Variants in KLHL20 observed in about 807,000 individuals in gnomAD.
KLHL20 encodes kelch-like protein 20.
In KLHL20, 29 loss-of-function variants were observed where a neutral mutation model predicts 69.5. The observed-to-expected ratio is 0.42, with a 90% CI of 0.31 to 0.57. The LOEUF (loss-of-function observed/expected upper bound fraction) is 0.57, where lower values mean the gene tolerates loss of function less well. Among genes scored for constraint, KLHL20 ranks in the 20% least tolerant of loss-of-function variants. The pLI is 0.18. For synonymous variants in KLHL20, 253 were observed against 265.2 expected (o/e 0.95, Z 0.45); for missense variants, 419 against 776.0 (o/e 0.54, Z 5.47).
chr1:173,730,483 CA>C (rs1672213946), intron 2 of KLHL20, among the ~76,000 whole-genome samples: 1 of 152,068 alleles, frequency 6.6e-6, no homozygotes, highest in African/African-American at 2.4e-5. Context: ...TACAAGGCTA[CA>C]GTAACCAAAA....
chr1:173,732,146 G>A (rs1055402668), intron 2 of KLHL20, among the ~76,000 whole-genome samples: 7 of 151,692 alleles, frequency 4.6e-5, no homozygotes, highest in African/African-American at 7.3e-5. Flanking sequence ...GCAGTGAGCC[G>A]AGATTGCGCC....
rs180728985 is a variant in KLHL20, at chr1:173,781,830, C to T, written c.1639-294C>T. 1.4e-4 allele frequency: 32 copies of T among 225,886 alleles called. No homozygotes were observed. In the Admixed American group the frequency reaches 1.7e-3, roughly 12 times the overall value. 14.0% of individuals were successfully genotyped at this position (225,886 alleles called of 1,614,324 possible). ...TAGAAAGATTAGAGCAGGCAAATAC[C>T]AGAGGAAGTGAGAGCAGTTTGGAGG... On this transcript the variant is annotated intron_variant, in intron 10 of 11. Coordinates refer to ENST00000209884, the MANE Select transcript of KLHL20 (RefSeq NM_014458.4).
rs539370823 is a variant in KLHL20 at position 173,763,879 on chromosome 1, A to C, written c.1152-2267A>C. ...AAGCAAATGCAATAAAAAAAAAAAA[A>C]AAACAGCTGGGACCTAATTAAACTA... On this transcript the variant is annotated intron_variant, in intron 7 of 11. Coordinates refer to ENST00000209884, the MANE Select transcript of KLHL20 (RefSeq NM_014458.4). 8.6e-5 allele frequency among the ~76,000 whole-genome samples: 13 copies of C among 151,956 alleles called. No individual in the cohort carries two copies. In the South Asian group the frequency reaches 2.5e-3, roughly 29 times the overall value.
In KLHL20 at chr1:173,737,330, T is replaced by C. The variant is rs563648183; in HGVS notation, c.597+3044T>C. Among the ~76,000 whole-genome samples the C allele has an allele frequency of 1.6e-3, 248 of 152,380 alleles. 2 individuals are homozygous for C. Among genetic ancestry groups the C allele is most frequent in the African/African-American group, 5.0e-3 (208 of 41,590 alleles). On this transcript the variant is annotated intron_variant, in intron 3 of 11. Coordinates refer to ENST00000209884, the MANE Select transcript of KLHL20 (RefSeq NM_014458.4). ...GTCTAGAAGGGTTTCTCCAATGTTA[T>C]CTTCTAGAATTTTTATGGTTTCATG...
chr1:173,730,281 A>G (rs1455183959), intron 2 of KLHL20, among the ~76,000 whole-genome samples: 2 of 152,146 alleles, frequency 1.3e-5, no homozygotes, highest in African/African-American at 2.4e-5. Flanking sequence ...TATCATGAAA[A>G]TGGCCATACT....
At chr1:173,734,809 G>A (rs1193874107) in intron 3 of KLHL20, among the ~76,000 whole-genome samples, 1 of 152,202 alleles carries the variant, frequency 6.6e-6, no homozygotes, top group Non-Finnish European at 1.5e-5. Context: ...TGGGAGCATA[G>A]GGTACAATAG....
intron 3 of KLHL20, among the ~76,000 whole-genome samples, chr1:173,746,159 C>A (rs975694133): frequency 6.6e-6 from 1 of 152,056 alleles, no homozygotes; most frequent in Non-Finnish European, 1.5e-5. Flanking sequence ...TGGCATACAC[C>A]TTTTGATTAT....
chr1:173,742,556 A>T (rs1672852362), intron 3 of KLHL20, among the ~76,000 whole-genome samples: 1 of 152,002 alleles, frequency 6.6e-6, no homozygotes, highest in Admixed American at 6.6e-5. Flanking sequence ...AAGAGCAAGC[A>T]TGGGTTGTGA....
At chr1:173,742,710 ATGTACACATGTATGTATATACATG>A (rs917871988) in intron 3 of KLHL20, among the ~76,000 whole-genome samples, 2 of 151,146 alleles carry the variant, frequency 1.3e-5, no homozygotes, top group Non-Finnish European at 3.0e-5. Flanking sequence ...ACATATACAT[ATGTACACATGTATGTATATACATG>A]TGTGTATATA....
chr1:173,720,108 C>T (rs1241724667), intron 2 of KLHL20, among the ~76,000 whole-genome samples: 1 of 151,946 alleles, frequency 6.6e-6, no homozygotes, highest in Non-Finnish European at 1.5e-5. Context: ...GATGACAGGG[C>T]GAGACTTCAT....
At chr1:173,755,043 A>G (rs1376994461) in intron 5 of KLHL20, among the ~76,000 whole-genome samples, 1 of 150,690 alleles carries the variant, frequency 6.6e-6, no homozygotes, top group African/African-American at 2.4e-5. Context: ...AGCTATTAGG[A>G]GATCAAAGTC....
intron 7 of KLHL20, among the ~76,000 whole-genome samples, chr1:173,765,021 A>G (rs558341340): frequency 5.3e-5 from 8 of 152,324 alleles, no homozygotes; most frequent in African/African-American, 1.2e-4. Context: ...GCAAATTTAC[A>G]TGAATTTTAG....
At chr1:173,773,286 CTTTTT>C (rs1039903845) in intron 8 of KLHL20, among the ~76,000 whole-genome samples, 1 of 146,870 alleles carries the variant, frequency 6.8e-6, no homozygotes, top group Non-Finnish European at 1.5e-5. Flanking sequence ...TTTTTTTTAT[CTTTTT>C]TTTAAGTCTC....
Position 173,734,213 on chromosome 1 carries a change from C to T in KLHL20, c.524C>T (p.Ala175Val). 1.9e-6 allele frequency: 3 copies of T among 1,614,208 alleles called. No individual in the cohort carries two copies. Among genetic ancestry groups the T allele is most frequent in the Non-Finnish European group, 8.5e-7 (1 of 1,180,036 alleles). ...LDPSNCLGIR[A>V]FADTHSCREL... is the part of the protein sequence containing the mutation. ...CCTTCTAACTGCCTGGGCATTCGGGCTTTTGCTGACACACATTCATGTCGT... is the reference window on the plus strand; with the variant it reads ...CCTTCTAACTGCCTGGGCATTCGGGTTTTTGCTGACACACATTCATGTCGT... The change falls in exon 3 of 12, where the codon GCT becomes GTT. Residue 175 changes from alanine to valine, a missense_variant. Ala to Val is a moderately conservative substitution (Grantham distance 64). Transcript: ENST00000209884.
chr1:173,774,552 C>A, intron 9 of KLHL20, 114 bp downstream of exon 9: 1 of 1,166,558 alleles, frequency 8.6e-7, no homozygotes, highest in Non-Finnish European at 1.2e-6. Flanking sequence ...TAGGAAAATG[C>A]CTGATTTTTC....
intron 7 of KLHL20, among the ~76,000 whole-genome samples, chr1:173,763,878 A>AAC (rs1647500233): frequency 6.6e-6 from 1 of 151,812 alleles, no homozygotes; most frequent in African/African-American, 2.4e-5. Flanking sequence ...AAAAAAAAAA[A>AAC]AAAACAGCTG....
rs529845839 is a variant in KLHL20, at chr1:173,738,295, C to A, written c.597+4009C>A. On this transcript the variant is annotated intron_variant, in intron 3 of 11. Transcript: ENST00000209884. ...GCGATCCTCCCGCCTCAGCCCCCCA[C>A]GTAGCTGGGACTACAGATGCGCACC... is the stretch of plus-strand genomic sequence containing the variant. Among the ~76,000 whole-genome samples the A allele has an allele frequency of 2.6e-5, 4 of 152,222 alleles. No individual in the cohort carries two copies. The East Asian group carries it at 7.7e-4, about 29-fold the overall frequency.
At chr1:173,748,773 A>G (rs952258282) in intron 3 of KLHL20, among the ~76,000 whole-genome samples, 2 of 152,106 alleles carry the variant, frequency 1.3e-5, no homozygotes, top group African/African-American at 4.8e-5. Context: ...AAAAAAAAGA[A>G]TTCTCTGCTT....
Position 173,739,205 on chromosome 1 carries a change from T to C in KLHL20, c.597+4919T>C, listed in dbSNP as rs535796741. ...CTCCTGCCTTAGCCTCCCGAGTATC[T>C]GGAACTACAGGCACCCACCACCACG... On this transcript the variant is annotated intron_variant, in intron 3 of 11. Transcript: ENST00000209884. 4.6e-4 allele frequency among the ~76,000 whole-genome samples: 70 copies of C among 152,196 alleles called. 1 individual carries two copies. In the South Asian group the frequency reaches 0.014, roughly 30 times the overall value.
Sources: allele counts gnomAD v4.1 joint callset (sites outside exome capture counted in the v4.1 genomes callset), GRCh38; gene constraint gnomAD v4.1.1; transcripts MANE v1.5; gene names NCBI Gene and HGNC (gene_info 2026-07-23, HGNC 2026-07-21).